RIMS2: variants seen among roughly 807,000 people sequenced by gnomAD.
RIMS2 encodes the protein regulating synaptic membrane exocytosis 2.
RIMS2 carries 59 observed loss-of-function variants against 174.4 expected under a neutral mutation model. The ratio of observed to expected loss-of-function variants is 0.34; its 90% CI spans 0.27 to 0.42. The LOEUF is 0.42. RIMS2 is among the 10% of genes least tolerant of loss of function. The pLI is 1.00. For synonymous variants in RIMS2, 606 were observed against 572.5 expected (o/e 1.06, Z -0.84); for missense variants, 1,620 against 1,666.3 (o/e 0.97, Z 0.48).
chr8:103,848,758 G>A (rs1251702625), intron 3 of RIMS2, among the ~76,000 whole-genome samples: 3 of 151,936 alleles, frequency 2.0e-5, no homozygotes, highest in Non-Finnish European at 4.4e-5. Flanking sequence ...TTTGCTCTGG[G>A]CCCTACTCTG....
intron 2 of RIMS2, among the ~76,000 whole-genome samples, chr8:103,724,224 G>A (rs1444106686): frequency 6.6e-6 from 1 of 152,120 alleles, no homozygotes; most frequent in African/African-American, 2.4e-5. Context: ...CTTAGCTCTT[G>A]TGAGTGTATT....
chr8:103,593,476 T>A (rs2094351509), intron 1 of RIMS2, among the ~76,000 whole-genome samples: 2 of 151,616 alleles, frequency 1.3e-5, no homozygotes, highest in Admixed American at 1.3e-4. Context: ...TACCTGCTGA[T>A]TTTTGGTATA....
intron 10 of RIMS2, among the ~76,000 whole-genome samples, chr8:103,924,532 C>T (rs1595246968): frequency 6.6e-6 from 1 of 151,500 alleles, no homozygotes; most frequent in Non-Finnish European, 1.5e-5. Context: ...AAGTCATAAA[C>T]CAACATGACA....
chr8:103,560,549 A>T (rs1395358058), intron 1 of RIMS2, among the ~76,000 whole-genome samples: 1 of 152,212 alleles, frequency 6.6e-6, no homozygotes, highest in Non-Finnish European at 1.5e-5. Flanking sequence ...GAATACACAG[A>T]TCAAACATTT....
rs996770006 is a variant in RIMS2, at chr8:104,008,595, A to G, written c.3045-4847A>G. On this transcript the variant is annotated intron_variant, in intron 17 of 23. Coordinates refer to ENST00000504942, the Ensembl canonical transcript of RIMS2. ...AATTGGGACGTTTGGTCATTTCTTC[A>G]TGCAATTTTCAATAATGAATATATT... is the stretch of plus-strand genomic sequence containing the variant. 4.0e-5 allele frequency among the ~76,000 whole-genome samples: 6 copies of G among 151,764 alleles called. No homozygotes were observed. The East Asian group carries it at 9.7e-4, about 25-fold the overall frequency.
At chr8:104,202,272 G>A (rs1182272868) in intron 19 of RIMS2, among the ~76,000 whole-genome samples, 1 of 152,044 alleles carries the variant, frequency 6.6e-6, no homozygotes. Flanking sequence ...TTTAACTTAT[G>A]GAAATTCACT....
intron 19 of RIMS2, among the ~76,000 whole-genome samples, chr8:104,199,788 G>A (rs1399181568): frequency 6.6e-6 from 1 of 152,148 alleles, no homozygotes; most frequent in East Asian, 1.9e-4. Flanking sequence ...AGGCTGCTGG[G>A]ACCATAAGCC....
intron 3 of RIMS2, among the ~76,000 whole-genome samples, chr8:103,831,555 A>G (rs1253743425): frequency 1.3e-5 from 2 of 152,170 alleles, no homozygotes; most frequent in African/African-American, 4.8e-5. Flanking sequence ...GAGAATTTTC[A>G]CACCTTACTT....
intron 19 of RIMS2, among the ~76,000 whole-genome samples, chr8:104,076,219 G>A (rs989836866): frequency 2.0e-5 from 3 of 152,212 alleles, no homozygotes; most frequent in African/African-American, 7.2e-5. Flanking sequence ...TTGCCAAATG[G>A]TTATATAGCC....
chr8:104,165,441 CTT>C (rs949802773), intron 19 of RIMS2, among the ~76,000 whole-genome samples: 2 of 150,876 alleles, frequency 1.3e-5, no homozygotes, highest in African/African-American at 4.9e-5. Flanking sequence ...TGTGTAGAAA[CTT>C]AGCGGGAAAA....
chr8:103,800,807 A>G (rs2098602164), intron 3 of RIMS2, among the ~76,000 whole-genome samples: 3 of 152,094 alleles, frequency 2.0e-5, no homozygotes, highest in South Asian at 2.1e-4. Context: ...TTGTAACATC[A>G]TTGATTTAAT....
intron 2 of RIMS2, among the ~76,000 whole-genome samples, chr8:103,743,135 A>G (rs1166627170): frequency 6.6e-6 from 1 of 152,212 alleles, no homozygotes; most frequent in Non-Finnish European, 1.5e-5. Flanking sequence ...CTCTGGACAC[A>G]GAAGAAAACT....
At chr8:104,059,433 T>C (rs1402242754) in intron 19 of RIMS2, among the ~76,000 whole-genome samples, 18 of 151,472 alleles carry the variant, frequency 1.2e-4, no homozygotes, top group Admixed American at 1.2e-3. Flanking sequence ...TCCTGAGACT[T>C]TGCTGAAGTT....
chr8:104,127,243 G>C (rs7815109), intron 19 of RIMS2, among the ~76,000 whole-genome samples: 85,543 of 151,932 alleles, frequency 0.56, 27,039 homozygotes, highest in East Asian at 0.92. Flanking sequence ...AAAAGAAAAC[G>C]TTGGCCACTT....
At chr8:103,623,128 C>T (rs771388622) in intron 1 of RIMS2, among the ~76,000 whole-genome samples, 1 of 152,124 alleles carries the variant, frequency 6.6e-6, no homozygotes, top group Non-Finnish European at 1.5e-5. Flanking sequence ...AACATGATCT[C>T]CCAATGTGAT....
chr8:103,625,339 C>A (rs1458918687), intron 1 of RIMS2, among the ~76,000 whole-genome samples: 1 of 152,064 alleles, frequency 6.6e-6, no homozygotes, highest in African/African-American at 2.4e-5. Context: ...GTATCCTGCC[C>A]ACAATGAGTT....
chr8:104,092,876 C>A (rs2097687492), intron 19 of RIMS2, among the ~76,000 whole-genome samples: 1 of 151,820 alleles, frequency 6.6e-6, no homozygotes, highest in Non-Finnish European at 1.5e-5. Flanking sequence ...CCAAGAATAC[C>A]CTGCAACCCT....
At chr8:103,898,192 A>G (rs1291633698) in intron 4 of RIMS2, among the ~76,000 whole-genome samples, 2 of 151,642 alleles carry the variant, frequency 1.3e-5, no homozygotes, top group Non-Finnish European at 2.9e-5. Flanking sequence ...ATGACTAAAC[A>G]AGACTTCAAA....
At chr8:103,936,459 T>G in intron 12 of RIMS2, 92 bp from the exon 15 acceptor site, 7 of 722,312 alleles carry the variant, frequency 9.7e-6, no homozygotes, top group South Asian at 2.4e-5. Context: ...AAACTTCACC[T>G]GACTTGTCTC....
Sources: allele counts gnomAD v4.1 joint callset (sites outside exome capture counted in the v4.1 genomes callset), GRCh38; gene constraint gnomAD v4.1.1; transcripts MANE v1.5; gene names NCBI Gene and HGNC (gene_info 2026-07-23, HGNC 2026-07-21).